The following PCLO variants were observed in gnomAD, a reference collection of about 807,000 sequenced individuals.
The protein encoded by PCLO is protein piccolo.
Under a neutral mutation model 427.5 loss-of-function variants are expected in PCLO, and 82 were observed. That is an observed-to-expected ratio of 0.19 (90% CI 0.16 to 0.23). The LOEUF is 0.23. Among genes scored for constraint, PCLO ranks in the 10% least tolerant of loss-of-function variants. The pLI is 1.00. For missense variants in PCLO, 6,239 were observed against 6,115.9 expected, an observed-to-expected ratio of 1.02 and a Z score of -0.67; for synonymous variants, 2,357 against 2,155.4, an observed-to-expected ratio of 1.09 and a Z score of -2.59.
At position 82,760,797 on chromosome 7, in the gene PCLO, AT is replaced by A; in HGVS notation, c.15143-14del. 3.8e-6 allele frequency: 5 copies of A among 1,325,210 alleles called. No homozygotes were observed. The highest frequency in any genetic ancestry group is 4.2e-6 in the Non-Finnish European group (4 of 954,208). The allele number at this position is 1,325,210 out of a possible 1,614,324, so 82.1% of individuals were successfully genotyped here. A position where few individuals can be genotyped will look rare whatever the true frequency, so the allele number is the denominator to read the frequency against. ...TTCACATATAAATCTGAAAATAAGA[AT>A]TCAGCCCATTAAATTCCATCAATCA... On this transcript the variant is annotated splice_polypyrimidine_tract_variant and intron_variant, in intron 23 of 24. Transcript: ENST00000333891.
intron 10 of PCLO, among the ~76,000 whole-genome samples, chr7:82,851,298 C>T (rs1479194950): frequency 6.6e-6 from 1 of 151,548 alleles, no homozygotes; most frequent in Non-Finnish European, 1.5e-5. Context: ...GATGAAAATA[C>T]TTGGCAGAGG....
At chr7:83,154,472 T>G (rs934281715) in intron 2 of PCLO, among the ~76,000 whole-genome samples, 11 of 152,314 alleles carry the variant, frequency 7.2e-5, no homozygotes, top group Admixed American at 5.9e-4. Flanking sequence ...GTGTGGGTCT[T>G]AAATACAGAG....
intron 23 of PCLO, 120 bp from the exon 24 acceptor site, chr7:82,760,904 G>A (rs540609087): frequency 2.7e-5 from 8 of 298,562 alleles, no homozygotes; most frequent in Admixed American, 1.1e-4. Context: ...GATTGTAAAC[G>A]ATTTGTTTCA....
In PCLO at chr7:83,162,488, G is replaced by A. The variant is rs374301624; in HGVS notation, c.105C>T (p.Thr35=). 568 of 1,574,746 alleles carry A rather than the reference G, an allele frequency of 3.6e-4. 1 individual carries two copies. The African/African-American group carries it at 6.6e-3, about 18-fold the overall frequency. The change falls in exon 1 of 25, where the codon ACC becomes ACT. Residue 35 remains threonine (T), a synonymous_variant. Coordinates refer to ENST00000333891, the MANE Select transcript of PCLO (RefSeq NM_033026.6). ...GASGAGSPSH[T]AIPAGMEADL... ...CCGCCTCCATGCCGGCCGGGATCGC[G>A]GTGTGAGAGGGGCTCCCCGCCCCGC...
chr7:83,124,580 C>T (rs1355598998), intron 3 of PCLO, among the ~76,000 whole-genome samples: 1 of 152,210 alleles, frequency 6.6e-6, no homozygotes, highest in East Asian at 1.9e-4. Flanking sequence ...TAAGTTAGTA[C>T]AGCCACTATG....
At chr7:82,820,542 A>T in intron 20 of PCLO, 1 of 1,225,264 alleles carries the variant, frequency 8.2e-7, no homozygotes, top group Non-Finnish European at 1.0e-6. Context: ...TGCCCAACAC[A>T]TCTGATACAC....
At chr7:82,853,610 T>A (rs1404768123) in intron 10 of PCLO, among the ~76,000 whole-genome samples, 1 of 152,156 alleles carries the variant, frequency 6.6e-6, no homozygotes, top group East Asian at 1.9e-4. Flanking sequence ...AAATTAAAAT[T>A]TGCCTATCTC....
chr7:82,892,821 A>C (rs1793803683), intron 9 of PCLO, among the ~76,000 whole-genome samples: 1 of 152,164 alleles, frequency 6.6e-6, no homozygotes, highest in Non-Finnish European at 1.5e-5. Context: ...ACACATGAAA[A>C]AATGCTCATC....
At chr7:82,866,738 G>A (rs1415080271) in intron 10 of PCLO, among the ~76,000 whole-genome samples, 1 of 150,900 alleles carries the variant, frequency 6.6e-6, no homozygotes, top group Admixed American at 6.6e-5. Context: ...GTAAAAACCT[G>A]CATTCTTGTA....
chr7:82,883,793 T>C (rs1444920506), intron 9 of PCLO, among the ~76,000 whole-genome samples: 1 of 152,208 alleles, frequency 6.6e-6, no homozygotes, highest in South Asian at 2.1e-4. Context: ...TATTTTGAGA[T>C]GGACTCTCGC....
At chr7:82,902,811 A>T (rs1794081496) in intron 8 of PCLO, 70 bp from the exon 9 acceptor site, 1 of 757,634 alleles carries the variant, frequency 1.3e-6, no homozygotes, top group Non-Finnish European at 2.3e-6. Context: ...ACATAATTAG[A>T]ATGGTTCATT....
At position 82,938,336 on chromosome 7, in the gene PCLO, A is replaced by C. The variant is rs531103877; in HGVS notation, c.11112+11140T>G. Among the ~76,000 whole-genome samples the C allele has an allele frequency of 2.6e-5, 4 of 152,090 alleles. No individual in the cohort carries two copies. In the South Asian group the frequency reaches 8.3e-4, roughly 32 times the overall value. ...TTTTCCATGTTTGTTAGAAAGGCAC[A>C]TTGCTATACATGTATTTTTTAACTG... On this transcript the variant is annotated intron_variant, in intron 6 of 24. Transcript: ENST00000333891.
chr7:82,869,893 T>A (rs1484212643), intron 10 of PCLO, among the ~76,000 whole-genome samples: 1 of 151,996 alleles, frequency 6.6e-6, no homozygotes, highest in Admixed American at 6.6e-5. Flanking sequence ...ATCTTTTCAT[T>A]CTTATGTGTC....
intron 3 of PCLO, among the ~76,000 whole-genome samples, chr7:82,997,616 C>T (rs992007088): frequency 4.0e-5 from 6 of 151,874 alleles, no homozygotes; most frequent in African/African-American, 1.4e-4. Flanking sequence ...AAACACATGT[C>T]CCAAAGACAA....
At chr7:82,905,656 G>A (rs1302747108) in intron 8 of PCLO, among the ~76,000 whole-genome samples, 3 of 151,978 alleles carry the variant, frequency 2.0e-5, no homozygotes, top group Non-Finnish European at 4.4e-5. Flanking sequence ...GGACACCTGG[G>A]TGATGATTAG....
intron 6 of PCLO, among the ~76,000 whole-genome samples, chr7:82,921,215 T>TA (rs1212122448): frequency 2.8e-4 from 43 of 151,820 alleles, no homozygotes; most frequent in Non-Finnish European, 4.4e-4. Flanking sequence ...CACAGAATTA[T>TA]AAAAAAACTA....
chr7:82,759,664 T>G (rs1466973691), intron 24 of PCLO, among the ~76,000 whole-genome samples: 2 of 151,972 alleles, frequency 1.3e-5, no homozygotes, highest in African/African-American at 2.4e-5. Context: ...ACATTTTTGC[T>G]TTGTAATATC....
Position 82,953,810 on chromosome 7 carries a change from A to C in PCLO, c.7143T>G (p.Pro2381=), listed in dbSNP as rs1795431758. ...GTTTAGCTGGAAGAGAGGAAACAGAAGGACTGCCAGATGGTAACTGAGATG... is the reference window on the plus strand; with the variant it reads ...GTTTAGCTGGAAGAGAGGAAACAGACGGACTGCCAGATGGTAACTGAGATG... ...KPASQLPSGS[P]SVSSLPAKPR... is the part of the protein sequence containing the mutation. The change falls in exon 5 of 25, where the codon CCT becomes CCG. Residue 2381 remains proline, a synonymous_variant. Coordinates refer to ENST00000333891, the MANE Select transcript of PCLO (RefSeq NM_033026.6). The C allele has an allele frequency of 6.2e-7, 1 of 1,607,236 alleles. No homozygotes were observed. Among genetic ancestry groups the C allele is most frequent in the Non-Finnish European group, 8.5e-7 (1 of 1,176,236 alleles).
intron 3 of PCLO, among the ~76,000 whole-genome samples, chr7:83,054,505 T>C (rs983066389): frequency 1.3e-5 from 2 of 152,038 alleles, no homozygotes; most frequent in East Asian, 1.9e-4. Context: ...TTTTTAGCCG[T>C]GAGAAGAAGA....
Sources: gnomAD v4.1 joint callset for allele counts (sites outside exome capture counted in the v4.1 genomes callset) on GRCh38, gnomAD v4.1.1 for gene constraint, MANE v1.5 for transcripts, NCBI Gene and HGNC (gene_info 2026-07-23, HGNC 2026-07-21) for gene names.